PLD5: variants seen among roughly 807,000 people sequenced by gnomAD.
PLD5 encodes phospholipase D family member 5.
A neutral mutation model predicts 61.1 loss-of-function variants in PLD5; 36 were observed. The observed-to-expected ratio is 0.59, with a 90% CI of 0.45 to 0.78. The LOEUF is 0.78. Ranked by LOEUF, PLD5 falls within the 30% of genes least tolerant of loss-of-function variation. The pLI, the probability that PLD5 is intolerant of heterozygous loss-of-function variation, is 0.00. For missense variants in PLD5, 515 were observed against 644.4 expected (o/e 0.80, Z 2.17); for synonymous variants, 243 against 242.8 (o/e 1.00, Z -0.01).
At chr1:242,487,867 GGTT>G (rs1347115059) in intron 1 of PLD5, among the ~76,000 whole-genome samples, 7 of 151,928 alleles carry the variant, frequency 4.6e-5, no homozygotes, top group East Asian at 1.9e-4. Flanking sequence ...TCATTTTGTA[GGTT>G]GTTTTTATGT....
At chr1:242,259,773 T>A (rs1282688331) in intron 4 of PLD5, among the ~76,000 whole-genome samples, 1 of 152,182 alleles carries the variant, frequency 6.6e-6, no homozygotes, top group Non-Finnish European at 1.5e-5. Context: ...CATTAAATAT[T>A]GTAGTCATAT....
intron 3 of PLD5, among the ~76,000 whole-genome samples, chr1:242,267,096 G>A (rs7546904): frequency 0.1 from 15,169 of 149,290 alleles, 1,291 homozygotes; most frequent in East Asian, 0.43. Flanking sequence ...CAGCCTGGGC[G>A]ACAGAGTGAG....
intron 5 of PLD5, among the ~76,000 whole-genome samples, chr1:242,162,719 C>T (rs946332824): frequency 6.6e-6 from 1 of 152,106 alleles, no homozygotes; most frequent in Non-Finnish European, 1.5e-5. Context: ...TAAAAAGCTA[C>T]GAGAAGTTTT....
rs182646896 is a variant in PLD5, at chr1:242,288,599, T to A, written c.327-69A>T. On this transcript the variant is annotated intron_variant, in intron 2 of 9. Transcript: ENST00000536534. ...ATTTGAAGCCACAGATCTTTATATA[T>A]GCATACAGCAGACATCTAAAAAATA... 1.3e-4 allele frequency: 197 copies of A among 1,512,116 alleles called. No individual in the cohort carries two copies. The East Asian group carries it at 4.1e-3, about 31-fold the overall frequency. The allele number at this position is 1,512,116 out of a possible 1,614,324, so 93.7% of individuals were successfully genotyped here.
intron 5 of PLD5, among the ~76,000 whole-genome samples, chr1:242,180,561 A>G (rs1252874359): frequency 1.3e-5 from 2 of 152,198 alleles, no homozygotes; most frequent in Admixed American, 6.5e-5. Flanking sequence ...TTTTTGCTAG[A>G]GAAAGATGTT....
At position 242,089,255 on chromosome 1, in the gene PLD5, C is replaced by A. The variant is rs1188449367; in HGVS notation, c.*599G>T. On this transcript the variant is annotated 3_prime_UTR_variant, in exon 10 of 10. Coordinates refer to ENST00000536534, the MANE Select transcript of PLD5 (RefSeq NM_001372062.1). ...TACAGAAAATGCTATATAATAGGAACATTTTGTGAGAAGAGAAAATGATAC... is the reference window on the plus strand; with the variant it reads ...TACAGAAAATGCTATATAATAGGAAAATTTTGTGAGAAGAGAAAATGATAC... 2.5e-6 allele frequency: 1 copy of A among 398,582 alleles called. No homozygotes were observed. Among genetic ancestry groups the A allele is most frequent in the Non-Finnish European group, 4.4e-6 (1 of 226,294 alleles). 24.7% of individuals were successfully genotyped at this position (398,582 alleles called of 1,614,324 possible).
At chr1:242,362,627 T>C (rs2149238133) in intron 1 of PLD5, among the ~76,000 whole-genome samples, 1 of 152,248 alleles carries the variant, frequency 6.6e-6, no homozygotes, top group South Asian at 2.1e-4. Context: ...AGTAATCTCA[T>C]CTGGTGACTT....
intron 3 of PLD5, among the ~76,000 whole-genome samples, chr1:242,273,521 T>C (rs895665560): frequency 1.8e-4 from 28 of 152,222 alleles, no homozygotes; most frequent in African/African-American, 6.8e-4. Flanking sequence ...ACTAATACTT[T>C]CAAAAAAATC....
intron 1 of PLD5, among the ~76,000 whole-genome samples, chr1:242,384,366 T>C (rs1346850339): frequency 6.6e-6 from 1 of 152,226 alleles, no homozygotes; most frequent in African/African-American, 2.4e-5. Context: ...GCTTTTCCAC[T>C]TCCTGAGTTC....
chr1:242,270,137 CT>C (rs1673970032), intron 3 of PLD5, among the ~76,000 whole-genome samples: 1 of 151,084 alleles, frequency 6.6e-6, no homozygotes, highest in Admixed American at 6.6e-5. Context: ...GGCTTTCAAG[CT>C]TGTTTTAGCA....
At chr1:242,267,360 A>G (rs1214288639) in intron 3 of PLD5, among the ~76,000 whole-genome samples, 1 of 152,162 alleles carries the variant, frequency 6.6e-6, no homozygotes, top group African/African-American at 2.4e-5. Context: ...CCATTGCTCC[A>G]TAATCCCTGG....
At chr1:242,345,243 G>C (rs1427022049) in intron 2 of PLD5, among the ~76,000 whole-genome samples, 1 of 152,048 alleles carries the variant, frequency 6.6e-6, no homozygotes, top group Non-Finnish European at 1.5e-5. Context: ...CTGCCGATAG[G>C]GGATGAATGA....
Position 242,437,620 on chromosome 1 carries a change from C to A in PLD5, c.189+86468G>T, listed in dbSNP as rs1349690718. On this transcript the variant is annotated intron_variant, in intron 1 of 9. Transcript: ENST00000536534. ...GCTGAGGTAGGAGAATCACTTGAAC[C>A]TGGGAGGCAGAGTTGCAGATTCAGC... is the stretch of plus-strand genomic sequence containing the variant. Among the ~76,000 whole-genome samples the A allele has an allele frequency of 1.8e-4, 27 of 152,134 alleles. 1 individual carries two copies. Among genetic ancestry groups the A allele is most frequent in the Admixed American group, 1.6e-3 (25 of 15,286 alleles).
At chr1:242,096,041 C>T (rs1274970888) in intron 9 of PLD5, among the ~76,000 whole-genome samples, 1 of 151,802 alleles carries the variant, frequency 6.6e-6, no homozygotes, top group Non-Finnish European at 1.5e-5. Context: ...TCACTGCAAG[C>T]TCCGCCTCCC....
intron 1 of PLD5, among the ~76,000 whole-genome samples, chr1:242,479,096 T>C (rs1439858544): frequency 6.6e-6 from 1 of 152,248 alleles, no homozygotes; most frequent in Admixed American, 6.5e-5. Context: ...GATGAATTAC[T>C]GTACCAGATT....
intron 1 of PLD5, among the ~76,000 whole-genome samples, chr1:242,511,964 T>C (rs1009273309): frequency 1.4e-4 from 22 of 152,298 alleles, no homozygotes; most frequent in Admixed American, 7.2e-4. Context: ...GGGAATCTCA[T>C]AGGCAGACTC....
chr1:242,356,176 C>A (rs1660742635), intron 1 of PLD5, among the ~76,000 whole-genome samples: 1 of 151,372 alleles, frequency 6.6e-6, no homozygotes, highest in South Asian at 2.1e-4. Flanking sequence ...ATTATTAAAT[C>A]CTCTACTTAC....
At chr1:242,271,677 A>G (rs2149113178) in intron 3 of PLD5, among the ~76,000 whole-genome samples, 1 of 152,324 alleles carries the variant, frequency 6.6e-6, no homozygotes, top group East Asian at 1.9e-4. Flanking sequence ...CTTAGAGACT[A>G]TCTTGCCTAC....
intron 1 of PLD5, among the ~76,000 whole-genome samples, chr1:242,454,331 CAAAAA>C: frequency 7.8e-6 from 1 of 128,160 alleles, no homozygotes; most frequent in Admixed American, 7.7e-5. Flanking sequence ...GACTCCGTGT[CAAAAA>C]AAAAAAAAAG....
Sources: allele counts gnomAD v4.1 joint callset (sites outside exome capture counted in the v4.1 genomes callset), GRCh38; gene constraint gnomAD v4.1.1; transcripts MANE v1.5; gene names NCBI Gene and HGNC (gene_info 2026-07-23, HGNC 2026-07-21).